Variants in NOL6 observed in about 807,000 individuals in gnomAD.
NOL6 encodes the protein nucleolar protein 6.
In NOL6, 33 loss-of-function variants were observed where a neutral mutation model predicts 131.7. The ratio of observed to expected loss-of-function variants is 0.25; its 90% CI spans 0.19 to 0.33. NOL6 has a LOEUF of 0.33. NOL6 is among the 10% of genes least tolerant of loss of function. The pLI is 1.00. For synonymous variants in NOL6, 580 were observed against 605.7 expected (o/e 0.96, Z 0.62); for missense variants, 1,297 against 1,494.5 (o/e 0.87, Z 2.18).
In NOL6 at chr9:33,469,042, C is replaced by A. The variant is rs762907254; in HGVS notation, c.942G>T (p.Leu314=). Residue 314 remains leucine (L), a synonymous_variant, in exon 7 of 26, where the codon CTG becomes CTT. Transcript: ENST00000297990. ...DTVLESHLQL[L]STILSSAQGL... is the part of the protein sequence containing the mutation. ...CCTGGGCTGAACTCAGAATGGTTGA[C>A]AGCAGCTGCAAATGGGACTCGAGAA... is the stretch of plus-strand genomic sequence containing the variant. 5.0e-6 allele frequency: 8 copies of A among 1,614,078 alleles called. No individual in the cohort carries two copies. Among genetic ancestry groups the A allele is most frequent in the African/African-American group, 1.3e-5 (1 of 74,932 alleles).
In NOL6 at chr9:33,472,427, G is replaced by T; in HGVS notation, c.55-15C>A. The stretch of plus-strand genomic sequence containing the variant: ...GGTTCCATCACCTGTGGCCAGTGAG[G>T]GAGAAGCCATTTTGAGGTAATAGGT... On this transcript the variant is annotated splice_polypyrimidine_tract_variant and intron_variant, in intron 1 of 25. Coordinates refer to ENST00000297990, the MANE Select transcript of NOL6 (RefSeq NM_022917.5). The T allele has an allele frequency of 1.9e-6, 3 of 1,608,724 alleles. No homozygotes were observed. Among genetic ancestry groups the T allele is most frequent in the Non-Finnish European group, 2.5e-6 (3 of 1,176,928 alleles).
At chr9:33,466,735 G>C (rs762030036) in intron 15 of NOL6, 26 bp from the exon 16 acceptor site, 1 of 1,612,252 alleles carries the variant, frequency 6.2e-7, no homozygotes, top group South Asian at 1.1e-5. Flanking sequence ...CGGTCAGGAG[G>C]CTGGACCCTA....
At position 33,468,161 on chromosome 9, in the gene NOL6, G is replaced by A; in HGVS notation, c.1309-16C>T. 6.2e-7 allele frequency: 1 copy of A among 1,614,132 alleles called. No homozygotes were observed. The highest frequency in any genetic ancestry group is 8.5e-7 in the Non-Finnish European group (1 of 1,180,042). On this transcript the variant is annotated splice_polypyrimidine_tract_variant and intron_variant, in intron 10 of 25. Coordinates refer to ENST00000297990, the MANE Select transcript of NOL6 (RefSeq NM_022917.5). ...CATGCTGTACCTGGAGCCACAGAAGGGACCATCCCTGTGCCCTTCATTGAT... is the reference window on the plus strand; with the variant it reads ...CATGCTGTACCTGGAGCCACAGAAGAGACCATCCCTGTGCCCTTCATTGAT...
Position 33,465,756 on chromosome 9 carries a change from G to C in NOL6, c.2506C>G (p.Leu836Val), listed in dbSNP as rs772850105. Residue 836 changes from leucine to valine, a missense_variant, in exon 19 of 26, where the codon CTG becomes GTG. By Grantham distance (32) the Leu-to-Val change is conservative. Coordinates refer to ENST00000297990, the MANE Select transcript of NOL6 (RefSeq NM_022917.5). ...TACCCGTGCAGGGCACTGGTGAGCA[G>C]TGGCAACTGCCTTGTGTCTCTCTCA... ...RLERDTRQLP[L>V]LTSALHGLQQ... 2.5e-6 allele frequency: 4 copies of C among 1,613,240 alleles called. No homozygotes were observed. The African/African-American group carries it at 5.3e-5, about 22-fold the overall frequency.
In NOL6 at chr9:33,469,741, G is replaced by A. The variant is rs1827356410; in HGVS notation, c.559-74C>T. On this transcript the variant is annotated intron_variant, in intron 4 of 25. Transcript: ENST00000297990. ...GAGCTGTGGGCCAAGGTGAAACCAA[G>A]GTGAGAGAGCCAGGGCTCCTCTGCT... 4 of 1,548,606 alleles carry A rather than the reference G, an allele frequency of 2.6e-6. No homozygotes were observed. The East Asian group carries it at 9.1e-5, about 35-fold the overall frequency.
chr9:33,471,118 C>T (rs1827400483), intron 3 of NOL6, among the ~76,000 whole-genome samples: 1 of 152,082 alleles, frequency 6.6e-6, no homozygotes, highest in Non-Finnish European at 1.5e-5. Context: ...ACTAAAAATA[C>T]CAAAAAAATT....
Position 33,462,467 on chromosome 9 carries a change from A to C in NOL6, c.*197T>G, listed in dbSNP as rs1587212161. On this transcript the variant is annotated 3_prime_UTR_variant, in exon 26 of 26. Coordinates refer to ENST00000297990, the MANE Select transcript of NOL6 (RefSeq NM_022917.5). Reference sequence around the variant, plus strand: ...TGAGGCCCAGGAGACTACATGGGCCACCATGCCCCTGCCCCAATGCTGGAG... The same window carrying C: ...TGAGGCCCAGGAGACTACATGGGCCCCCATGCCCCTGCCCCAATGCTGGAG... 4.6e-6 allele frequency: 3 copies of C among 645,330 alleles called. No homozygotes were observed. Among genetic ancestry groups the C allele is most frequent in the Non-Finnish European group, 8.0e-6 (3 of 374,504 alleles). The allele number at this position is 645,330 out of a possible 1,614,324, so 40.0% of individuals were successfully genotyped here. A position where few individuals can be genotyped will look rare whatever the true frequency, so the allele number is the denominator to read the frequency against.
At position 33,468,556 on chromosome 9, in the gene NOL6, G is replaced by C; in HGVS notation, c.1158C>G (p.Asp386Glu). 6.2e-7 allele frequency: 1 copy of C among 1,614,126 alleles called. No homozygotes were observed. Among genetic ancestry groups the C allele is most frequent in the Middle Eastern group, 1.6e-4 (1 of 6,062 alleles). The change falls in exon 9 of 26, where the codon GAC becomes GAG. Residue 386 changes from aspartate (D) to glutamate (E), a missense_variant. Physicochemically the swap from Asp to Glu is conservative, Grantham distance 45. Coordinates refer to ENST00000297990, the MANE Select transcript of NOL6 (RefSeq NM_022917.5). ...RSVLQFLATT[D>E]LTVNGISLCL... is the part of the protein sequence containing the mutation. The stretch of plus-strand genomic sequence containing the variant: ...ATAAACTGATCCCGTTGACTGTCAG[G>C]TCTGTAGTGGCTGAAGTGAATCACA...
rs776577094 is a variant in NOL6, at chr9:33,468,291, G to C, written c.1308+30C>G. The C allele has an allele frequency of 2.2e-5, 36 of 1,611,290 alleles. No individual in the cohort carries two copies. The African/African-American group carries it at 4.7e-4, about 21-fold the overall frequency. On this transcript the variant is annotated intron_variant, in intron 10 of 25. Coordinates refer to ENST00000297990, the MANE Select transcript of NOL6 (RefSeq NM_022917.5). ...GGACAGAGTCTGGGCTGAGACATCAGGGGAACACAGATTGGGGGCCCATTG... is the reference window on the plus strand; with the variant it reads ...GGACAGAGTCTGGGCTGAGACATCACGGGAACACAGATTGGGGGCCCATTG...
chr9:33,469,683 G>A lies in NOL6; in HGVS notation c.559-16C>T, dbSNP rs765726823. On this transcript the variant is annotated splice_polypyrimidine_tract_variant and intron_variant, in intron 4 of 25. Coordinates refer to ENST00000297990, the MANE Select transcript of NOL6 (RefSeq NM_022917.5). Reference sequence around the variant, plus strand: ...GTAGGATTTCCTGGAGGGGCCAGGGGAGAAGAGAAGGCCAGGCACATAAGT... The same window carrying A: ...GTAGGATTTCCTGGAGGGGCCAGGGAAGAAGAGAAGGCCAGGCACATAAGT... The A allele has an allele frequency of 1.2e-6, 2 of 1,601,094 alleles. No individual in the cohort carries two copies. Among genetic ancestry groups the A allele is most frequent in the South Asian group, 1.1e-5 (1 of 89,076 alleles).
In NOL6 at chr9:33,466,089, C is replaced by T. The variant is rs1336228927; in HGVS notation, c.2346G>A (p.Thr782=). ...QHGLQCRATA[T]HTDVLKDGFV... ...GCCTAACCTTAAGGACATCCGTGTGCGTGGCAGTGGCACGGCACTGCAGAC... is the reference window on the plus strand; with the variant it reads ...GCCTAACCTTAAGGACATCCGTGTGTGTGGCAGTGGCACGGCACTGCAGAC... Residue 782 remains threonine (T), a synonymous_variant, in exon 18 of 26, where the codon ACG becomes ACA. Transcript: ENST00000297990. 6 of 1,594,438 alleles carry T rather than the reference C, an allele frequency of 3.8e-6. No homozygotes were observed. Among genetic ancestry groups the T allele is most frequent in the Admixed American group, 1.7e-5 (1 of 58,528 alleles).
chr9:33,468,518 T>C lies in NOL6; in HGVS notation c.1196A>G (p.Asp399Gly). The C allele has an allele frequency of 6.2e-7, 1 of 1,614,104 alleles. No individual in the cohort carries two copies. The highest frequency in any genetic ancestry group is 1.1e-5 in the South Asian group (1 of 91,080). Reference protein sequence around the residue: ...VNGISLCLSSDPSLPALADFH... With the variant: ...VNGISLCLSSGPSLPALADFH... ...CCTTCCCCAACTCACCAAAGAGGGA[T>C]CTGAGCTGAGACATAAACTGATCCC... The change falls in exon 9 of 26, where the codon GAT becomes GGT. Residue 399 changes from aspartate (D) to glycine (G), a missense_variant. Transcript: ENST00000297990.
In NOL6 at chr9:33,462,162, C is replaced by T. The variant is rs1191364100; in HGVS notation, c.*502G>A. ...ATACACATATAGCCCCTTTCCACTG[C>T]TCAGTGTCGGTGATGTGACTCAGAA... On this transcript the variant is annotated 3_prime_UTR_variant, in exon 26 of 26. Transcript: ENST00000297990. 7.0e-6 allele frequency: 5 copies of T among 717,414 alleles called. No individual in the cohort carries two copies. Among genetic ancestry groups the T allele is most frequent in the African/African-American group, 1.7e-5 (1 of 57,256 alleles). 44.4% of individuals were successfully genotyped at this position (717,414 alleles called of 1,614,324 possible).
rs1454130168 is a variant in NOL6, at chr9:33,468,798, G to A, written c.1101C>T (p.Thr367=). ...VFLVSTRKIH[T]TMSGYQVLRS... ...TCAGGACCTGGTAGCCACTCATGGT[G>A]GTATGGATCTTGCGTGTAGACACAA... Residue 367 remains threonine, a synonymous_variant, in exon 8 of 26, where the codon ACC becomes ACT. Coordinates refer to ENST00000297990, the MANE Select transcript of NOL6 (RefSeq NM_022917.5). 6 of 1,614,074 alleles carry A rather than the reference G, an allele frequency of 3.7e-6. No individual in the cohort carries two copies. The highest frequency in any genetic ancestry group is 1.3e-5 in the African/African-American group (1 of 74,910).
Position 33,463,386 on chromosome 9 carries a change from C to A in NOL6, c.3050G>T (p.Arg1017Leu), listed in dbSNP as rs767961563. 11 of 1,614,016 alleles carry A rather than the reference C, an allele frequency of 6.8e-6. No homozygotes were observed. The East Asian group carries it at 2.0e-4, about 29-fold the overall frequency. Reference sequence around the variant, plus strand: ...AGCCTGGCGGTGCCGCGGGATATGGCGAGGAGACAGGCGAATCAGCACGTC... The same window carrying A: ...AGCCTGGCGGTGCCGCGGGATATGGAGAGGAGACAGGCGAATCAGCACGTC... ...IYDVLIRLSP[R>L]HIPRHRQAVD... is the part of the protein sequence containing the mutation. The change falls in exon 24 of 26, where the codon CGC becomes CTC. Residue 1017 changes from arginine to leucine, a missense_variant. Coordinates refer to ENST00000297990, the MANE Select transcript of NOL6 (RefSeq NM_022917.5).
At position 33,466,368 on chromosome 9, in the gene NOL6, G is replaced by C. The variant is rs748236200; in HGVS notation, c.2149C>G (p.Arg717Gly). The C allele has an allele frequency of 1.2e-6, 2 of 1,614,228 alleles. No homozygotes were observed. Among genetic ancestry groups the C allele is most frequent in the South Asian group, 2.2e-5 (2 of 91,082 alleles). The stretch of plus-strand genomic sequence containing the variant: ...TCGAGCCGGGGCAGCAGTGAGGACC[G>C]CTCCCGCAGAGTCTCATAGAAGGAG... ...AFSFYETLRE[R>G]SSLLPRLDKP... The change falls in exon 17 of 26, where the codon CGG becomes GGG. Residue 717 changes from arginine to glycine, a missense_variant. Transcript: ENST00000297990.
intron 4 of NOL6, 21 bp downstream of exon 4, chr9:33,469,991 C>T (rs768535298): frequency 1.3e-6 from 2 of 1,546,704 alleles, no homozygotes; most frequent in African/African-American, 1.4e-5. Flanking sequence ...GGGCCTCTAT[C>T]CCCTAAACCC....
At position 33,467,140 on chromosome 9, in the gene NOL6, G is replaced by A; in HGVS notation, c.1848C>T (p.His616=). The change falls in exon 14 of 26, where the codon CAC becomes CAT. Residue 616 remains histidine, a synonymous_variant. Coordinates refer to ENST00000297990, the MANE Select transcript of NOL6 (RefSeq NM_022917.5). This position sits in a 1 kb window ranked among gnomAD's most constrained non-coding sequence, Gnocchi z 4.4. Reference sequence around the variant, plus strand: ...GTGCCAAGAGGTGGGTGACCACCTGGTGGGGAATAAGGCGCTTCTGGGACA... The same window carrying A: ...GTGCCAAGAGGTGGGTGACCACCTGATGGGGAATAAGGCGCTTCTGGGACA... ...ASMSQKRLIP[H]QVVTHLLALH... The A allele has an allele frequency of 6.2e-7, 1 of 1,614,198 alleles. No individual in the cohort carries two copies. The highest frequency in any genetic ancestry group is 8.5e-7 in the Non-Finnish European group (1 of 1,180,042).
chr9:33,472,233 C>A lies in NOL6; in HGVS notation c.234G>T (p.Leu78Phe). The A allele has an allele frequency of 6.2e-7, 1 of 1,614,216 alleles. No individual in the cohort carries two copies. Among genetic ancestry groups the A allele is most frequent in the Non-Finnish European group, 8.5e-7 (1 of 1,180,030 alleles). The change falls in exon 2 of 26, where the codon TTG becomes TTT. Residue 78 changes from leucine to phenylalanine, a missense_variant. Transcript: ENST00000297990. ...GTAAACGAAGCAAGCTGGAGTGGAACAAGATCTCAGTCTCCCGAAGGCGAT... is the reference window on the plus strand; with the variant it reads ...GTAAACGAAGCAAGCTGGAGTGGAAAAAGATCTCAGTCTCCCGAAGGCGAT... Reference protein sequence around the residue: ...ELNRLRETEILFHSSLLRLQV... With the variant: ...ELNRLRETEIFFHSSLLRLQV...
Sources: allele counts gnomAD v4.1 joint callset (sites outside exome capture counted in the v4.1 genomes callset), GRCh38; gene constraint gnomAD v4.1.1; non-coding constraint Gnocchi (gnomAD v3.1); transcripts MANE v1.5; gene names NCBI Gene and HGNC (gene_info 2026-07-23, HGNC 2026-07-21).